PRKDC: variants seen among roughly 807,000 people sequenced by gnomAD.
PRKDC encodes DNA-dependent protein kinase catalytic subunit.
Under a neutral mutation model 486.9 loss-of-function variants are expected in PRKDC, and 82 were observed. The ratio of observed to expected loss-of-function variants is 0.17; its 90% CI spans 0.14 to 0.20. PRKDC has a LOEUF of 0.20. Among genes scored for constraint, PRKDC ranks in the 10% least tolerant of loss-of-function variants. The pLI is 1.00. For synonymous variants in PRKDC, 1,895 were observed against 1,837.0 expected, an observed-to-expected ratio of 1.03 and a Z score of -0.81; for missense variants, 4,504 against 5,038.2, an observed-to-expected ratio of 0.89 and a Z score of 3.21.
intron 40 of PRKDC, among the ~76,000 whole-genome samples, chr8:47,869,857 A>G (rs1187921575): frequency 7.9e-5 from 12 of 152,124 alleles, no homozygotes; most frequent in Admixed American, 5.2e-4. Context: ...CTGACTACAG[A>G]GCCCTTGAGC....
Position 47,879,594 on chromosome 8 carries a change from C to A in PRKDC, c.5132G>T (p.Arg1711Ile). ...AACGATGAGCTGCTCCAGAACACGT[C>A]TAAGTTCCTCCAGACTGCCTCCAGT... ...SLTGGSLEEL[R>I]RVLEQLIVAH... Residue 1711 changes from arginine (R) to isoleucine (I), a missense_variant, in exon 39 of 86, where the codon AGA (arginine) becomes ATA (isoleucine). Physicochemically the swap from Arg to Ile is moderately conservative, Grantham distance 97 (BLOSUM62 -3). This residue lies in a region of PRKDC where 1,969 missense variants were observed against 2,068.9 expected (regional missense o/e 0.95). Coordinates refer to ENST00000314191, the MANE Select transcript of PRKDC (RefSeq NM_006904.7). The A allele has an allele frequency of 1.9e-6, 3 of 1,594,100 alleles. No individual in the cohort carries two copies. Among genetic ancestry groups the A allele is most frequent in the Non-Finnish European group, 2.6e-6 (3 of 1,170,708 alleles).
At chr8:47,906,583 A>C (rs914733797) in intron 25 of PRKDC, among the ~76,000 whole-genome samples, 1 of 150,850 alleles carries the variant, frequency 6.6e-6, no homozygotes, top group Non-Finnish European at 1.5e-5. Flanking sequence ...CAGTGAGCCG[A>C]GATCGTCCCA....
intron 71 of PRKDC, among the ~76,000 whole-genome samples, chr8:47,799,835 T>A (rs937019257): frequency 6.6e-6 from 1 of 151,776 alleles, no homozygotes; most frequent in Non-Finnish European, 1.5e-5. Flanking sequence ...AACAAAATAA[T>A]CGGCAAGAAG....
At chr8:47,850,075 C>T (rs1363599214) in intron 52 of PRKDC, among the ~76,000 whole-genome samples, 3 of 152,126 alleles carry the variant, frequency 2.0e-5, no homozygotes, top group East Asian at 1.9e-4. Context: ...ATGCCAGCTC[C>T]CCAAGGGCAG....
At chr8:47,818,475 A>G (rs1033494637) in intron 67 of PRKDC, among the ~76,000 whole-genome samples, 18 of 147,180 alleles carry the variant, frequency 1.2e-4, no homozygotes, top group African/African-American at 4.5e-4. Flanking sequence ...GCTACTTGGG[A>G]GGCTGAGGCA....
At chr8:47,914,918 G>A (rs1461036224) in intron 23 of PRKDC, among the ~76,000 whole-genome samples, 1 of 152,072 alleles carries the variant, frequency 6.6e-6, no homozygotes, top group Non-Finnish European at 1.5e-5. Flanking sequence ...GCCTCCCAAA[G>A]TGCTGGAATT....
chr8:47,950,010 C>T (rs769105012), intron 7 of PRKDC, among the ~76,000 whole-genome samples: 25 of 152,186 alleles, frequency 1.6e-4, no homozygotes, highest in Non-Finnish European at 2.8e-4. Context: ...GTGGCTCATG[C>T]CTTGTAATCC....
At chr8:47,934,266 G>A (rs534662873) in intron 14 of PRKDC, among the ~76,000 whole-genome samples, 176 bp from the exon 15 acceptor site, 18 of 152,330 alleles carry the variant, frequency 1.2e-4, no homozygotes, top group African/African-American at 1.7e-4. Context: ...GGCCAGGTGC[G>A]GTGGCTCACA....
chr8:47,949,013 T>C (rs897243375), intron 7 of PRKDC, among the ~76,000 whole-genome samples: 1 of 152,226 alleles, frequency 6.6e-6, no homozygotes, highest in Non-Finnish European at 1.5e-5. Flanking sequence ...CATATTGAGC[T>C]AAATTTAAGG....
chr8:47,950,275 A>C (rs941690335), intron 7 of PRKDC, among the ~76,000 whole-genome samples: 1 of 150,304 alleles, frequency 6.7e-6, no homozygotes, highest in African/African-American at 2.4e-5. Context: ...TCTGTCTCAA[A>C]AAAAAAAAAA....
intron 64 of PRKDC, among the ~76,000 whole-genome samples, chr8:47,823,342 C>A (rs897641632): frequency 6.6e-6 from 1 of 151,658 alleles, no homozygotes. Flanking sequence ...GTATATGGCA[C>A]CCCCTCCCCA....
chr8:47,816,070 C>A (rs548364315), intron 68 of PRKDC, among the ~76,000 whole-genome samples: 1 of 152,028 alleles, frequency 6.6e-6, no homozygotes, highest in Non-Finnish European at 1.5e-5. Flanking sequence ...AAAATTTAGC[C>A]GGGCATGGTA....
Position 47,929,976 on chromosome 8 carries a change from T to C in PRKDC, c.1929A>G (p.Glu643=). Residue 643 remains glutamate (E), a synonymous_variant, in exon 18 of 86, where the codon GAA becomes GAG. Coordinates refer to ENST00000314191, the MANE Select transcript of PRKDC (RefSeq NM_006904.7). ...CATATGAAAATGAGTACACCCATGGTTCAAAAAATTCTGCTTGTTTCTCAG... is the reference window on the plus strand; with the variant it reads ...CATATGAAAATGAGTACACCCATGGCTCAAAAAATTCTGCTTGTTTCTCAG... ...ILPEKQAEFF[E]PWVYSFSYEL... is the part of the protein sequence containing the mutation. 1.2e-6 allele frequency: 2 copies of C among 1,607,266 alleles called. No homozygotes were observed. Among genetic ancestry groups the C allele is most frequent in the Non-Finnish European group, 1.7e-6 (2 of 1,178,050 alleles).
intron 49 of PRKDC, among the ~76,000 whole-genome samples, chr8:47,856,002 C>CT (rs1265856574): frequency 6.6e-6 from 1 of 152,204 alleles, no homozygotes; most frequent in African/African-American, 2.4e-5. Context: ...GGCAGTTCCA[C>CT]TCTCTTGAGT....
intron 4 of PRKDC, 108 bp downstream of exon 4, chr8:47,955,766 A>T: frequency 1.2e-6 from 1 of 833,980 alleles, no homozygotes; most frequent in Non-Finnish European, 1.9e-6. Context: ...ATGTGATTAG[A>T]TCCTATCCTT....
At chr8:47,955,839 T>A in intron 4 of PRKDC, 35 bp downstream of exon 4, 1 of 1,471,754 alleles carries the variant, frequency 6.8e-7, no homozygotes, top group Non-Finnish European at 9.3e-7. Flanking sequence ...GTTACATGTT[T>A]AATGTAAAAT....
At chr8:47,883,643 C>T (rs1458944406) in intron 36 of PRKDC, among the ~76,000 whole-genome samples, 1 of 152,268 alleles carries the variant, frequency 6.6e-6, no homozygotes, top group East Asian at 1.9e-4. Context: ...AGTTTACCTT[C>T]CAAACTCATT....
intron 21 of PRKDC, among the ~76,000 whole-genome samples, chr8:47,922,238 T>G (rs1297723167): frequency 6.6e-6 from 1 of 151,692 alleles, no homozygotes; most frequent in East Asian, 1.9e-4. Context: ...GCTTGAGCAA[T>G]CCTCCCACCT....
intron 1 of PRKDC, among the ~76,000 whole-genome samples, chr8:47,958,732 G>A (rs2090755457): frequency 6.6e-6 from 1 of 150,700 alleles, no homozygotes. Context: ...CATGTATATA[G>A]CATCTTTTTT....
Sources: allele counts gnomAD v4.1 joint callset (sites outside exome capture counted in the v4.1 genomes callset), GRCh38; gene constraint gnomAD v4.1.1; regional missense constraint gnomAD v4.1.1; transcripts MANE v1.5; gene names NCBI Gene and HGNC (gene_info 2026-07-23, HGNC 2026-07-21).